Variants in CATSPERB observed in about 807,000 individuals in gnomAD.
The protein encoded by CATSPERB is catsper channel auxiliary subunit beta, also known as cation channel sperm-associated auxiliary subunit beta.
In CATSPERB, 93 loss-of-function variants were observed where a neutral mutation model predicts 128.3. That is an observed-to-expected ratio of 0.72 (90% CI 0.61 to 0.86). CATSPERB has a LOEUF of 0.86. Among genes scored for constraint, CATSPERB ranks in the 40% least tolerant of loss-of-function variants. The pLI, the probability that CATSPERB is intolerant of heterozygous loss-of-function variation, is 0.00. For synonymous variants in CATSPERB, 381 were observed against 448.8 expected, an observed-to-expected ratio of 0.85 and a Z score of 1.91; for missense variants, 1,153 against 1,329.5, an observed-to-expected ratio of 0.87 and a Z score of 2.06.
chr14:91,672,911 C>T lies in CATSPERB; in HGVS notation c.1084G>A (p.Val362Ile). The T allele has an allele frequency of 6.3e-7, 1 of 1,599,076 alleles. No homozygotes were observed. ...KIFPTVLTFL[V>I]DQERGTGVYL... Reference sequence around the variant, plus strand: ...ACTCCAGTACCACGCTCTTGGTCAACAAGAAATGTTAGCACAGTTGGAAAA... The same window carrying T: ...ACTCCAGTACCACGCTCTTGGTCAATAAGAAATGTTAGCACAGTTGGAAAA... The change falls in exon 13 of 27, where the codon GTT becomes ATT. Residue 362 changes from valine to isoleucine, a missense_variant. Transcript: ENST00000256343.
At chr14:91,644,292 T>C (rs932955538) in intron 15 of CATSPERB, among the ~76,000 whole-genome samples, 36 of 128,496 alleles carry the variant, frequency 2.8e-4, no homozygotes, top group African/African-American at 1.0e-3. Context: ...GTTGATGCAG[T>C]TTCTTCCTAG....
chr14:91,712,208 A>G (rs2136674), intron 5 of CATSPERB, among the ~76,000 whole-genome samples: 49,967 of 152,024 alleles, frequency 0.33, 8,491 homozygotes, highest in South Asian at 0.47. Flanking sequence ...TGTATAAATA[A>G]TGAATATAAT....
chr14:91,654,971 CAGTCTCTTCCTGTAATACCTGGTAAT>C, intron 15 of CATSPERB, among the ~76,000 whole-genome samples: 1 of 78,892 alleles, frequency 1.3e-5, no homozygotes, highest in East Asian at 5.9e-4. Flanking sequence ...CCTGGTAATA[CAGTCTCTTCCTGTAATACCTGGTAAT>C]ACAGTCTCTT....
chr14:91,616,124 G>A (rs780506974), intron 20 of CATSPERB, among the ~76,000 whole-genome samples: 12 of 151,932 alleles, frequency 7.9e-5, no homozygotes, highest in Non-Finnish European at 1.3e-4. Flanking sequence ...CAGGTGATCC[G>A]CCCACCTTGG....
intron 15 of CATSPERB, among the ~76,000 whole-genome samples, chr14:91,645,723 T>C (rs1162687710): frequency 1.8e-4 from 25 of 140,410 alleles, no homozygotes; most frequent in Admixed American, 2.9e-4. Flanking sequence ...CCTTGAGCTG[T>C]GGTGGGCTCC....
intron 10 of CATSPERB, among the ~76,000 whole-genome samples, chr14:91,686,747 A>G (rs1895382073): frequency 6.6e-6 from 1 of 152,236 alleles, no homozygotes; most frequent in African/African-American, 2.4e-5. Context: ...CTCCCAATCA[A>G]GTTCTAGGAT....
At chr14:91,591,078 G>A (rs546870323) in intron 23 of CATSPERB, among the ~76,000 whole-genome samples, 1 of 151,912 alleles carries the variant, frequency 6.6e-6, no homozygotes, top group East Asian at 1.9e-4. Context: ...TTTTTTTTGA[G>A]ATGGAATCTT....
intron 22 of CATSPERB, among the ~76,000 whole-genome samples, chr14:91,597,471 C>T (rs1183959384): frequency 1.3e-5 from 2 of 152,156 alleles, no homozygotes; most frequent in Non-Finnish European, 2.9e-5. Flanking sequence ...TAAAATATAA[C>T]TTCCATAAGC....
At chr14:91,594,351 T>A (rs886998143) in intron 22 of CATSPERB, among the ~76,000 whole-genome samples, 3 of 151,864 alleles carry the variant, frequency 2.0e-5, no homozygotes, top group Non-Finnish European at 4.4e-5. Flanking sequence ...GGGGGAGGGA[T>A]AGCATTAGGA....
chr14:91,689,878 T>G (rs1041550601), intron 10 of CATSPERB, among the ~76,000 whole-genome samples: 1 of 152,228 alleles, frequency 6.6e-6, no homozygotes, highest in African/African-American at 2.4e-5. Context: ...ACAAAGATCT[T>G]AAATACTTTA....
intron 26 of CATSPERB, 83 bp from the exon 27 acceptor site, chr14:91,581,190 T>C (rs766379261): frequency 2.4e-5 from 28 of 1,143,270 alleles, no homozygotes; most frequent in Non-Finnish European, 3.3e-5. Flanking sequence ...CCACAATTAA[T>C]CGGAGAGCAA....
intron 17 of CATSPERB, among the ~76,000 whole-genome samples, chr14:91,627,911 G>A (rs1762088280): frequency 6.6e-6 from 1 of 152,176 alleles, no homozygotes; most frequent in South Asian, 2.1e-4. Flanking sequence ...CCAGGAGTTC[G>A]AGGCTGCAGT....
chr14:91,654,374 A>G (rs895909026), intron 15 of CATSPERB, among the ~76,000 whole-genome samples: 33 of 152,328 alleles, frequency 2.2e-4, no homozygotes, highest in African/African-American at 7.5e-4. Context: ...GAGTGGGGCC[A>G]CTGCCCTGAA....
chr14:91,690,091 C>T (rs1176234208), intron 10 of CATSPERB, among the ~76,000 whole-genome samples: 3 of 152,210 alleles, frequency 2.0e-5, no homozygotes, highest in Admixed American at 6.5e-5. Context: ...CTCCTGGGTT[C>T]AAGCAATTCT....
chr14:91,661,197 A>G (rs1413902617), intron 14 of CATSPERB, among the ~76,000 whole-genome samples: 2 of 152,150 alleles, frequency 1.3e-5, no homozygotes, highest in Non-Finnish European at 2.9e-5. Context: ...CACCTTGAAC[A>G]ATAGGCTCGA....
At chr14:91,624,765 G>C in intron 18 of CATSPERB, 55 bp downstream of exon 18, 1 of 1,326,398 alleles carries the variant, frequency 7.5e-7, no homozygotes, top group Non-Finnish European at 1.0e-6. Context: ...CTTCACAAAA[G>C]ATAATTTTTC....
intron 15 of CATSPERB, among the ~76,000 whole-genome samples, chr14:91,651,972 A>G (rs753747283): frequency 3.3e-5 from 5 of 152,244 alleles, no homozygotes; most frequent in Non-Finnish European, 7.3e-5. Context: ...TATAAAATCT[A>G]AAACAACCAA....
At chr14:91,679,898 T>C (rs1312883954) in intron 11 of CATSPERB, among the ~76,000 whole-genome samples, 6 of 152,162 alleles carry the variant, frequency 3.9e-5, no homozygotes, top group South Asian at 2.1e-4. Flanking sequence ...AACTAATCCA[T>C]GTGCTGTTAA....
chr14:91,677,760 G>C (rs1566728425), intron 11 of CATSPERB, among the ~76,000 whole-genome samples: 1 of 151,732 alleles, frequency 6.6e-6, no homozygotes. Flanking sequence ...ATGCGCATTT[G>C]GGCCCTTATC....
Sources: gnomAD v4.1 joint callset for allele counts (sites outside exome capture counted in the v4.1 genomes callset) on GRCh38, gnomAD v4.1.1 for gene constraint, MANE v1.5 for transcripts, NCBI Gene and HGNC (gene_info 2026-07-23, HGNC 2026-07-21) for gene names.